The following CNTN5 variants were observed in gnomAD, a reference collection of about 807,000 sequenced individuals.
CNTN5 encodes contactin-5.
Under a neutral mutation model 129.1 loss-of-function variants are expected in CNTN5, and 77 were observed. That is an observed-to-expected ratio of 0.60 (90% CI 0.50 to 0.72). CNTN5 has a LOEUF of 0.72. Ranked by LOEUF, CNTN5 falls within the 30% of genes least tolerant of loss-of-function variation. The pLI is 0.00. For missense variants in CNTN5, 1,478 were observed against 1,328.8 expected (o/e 1.11, Z -1.75); for synonymous variants, 509 against 465.6 (o/e 1.09, Z -1.20).
chr11:99,883,364 C>T (rs1054930663), intron 6 of CNTN5, among the ~76,000 whole-genome samples: 1 of 152,196 alleles, frequency 6.6e-6, no homozygotes, highest in African/African-American at 2.4e-5. Flanking sequence ...TTCTCCCTAT[C>T]CTTGCCGGCA....
At chr11:100,100,548 C>G (rs188827108) in intron 13 of CNTN5, among the ~76,000 whole-genome samples, 1 of 152,180 alleles carries the variant, frequency 6.6e-6, no homozygotes, top group East Asian at 1.9e-4. Context: ...CTCTTTGAAG[C>G]TGGCATCTGT....
Position 99,630,529 on chromosome 11 carries a change from C to A in CNTN5, c.55+74260C>A, listed in dbSNP as rs887290455. 5.3e-5 allele frequency among the ~76,000 whole-genome samples: 8 copies of A among 151,678 alleles called. No individual in the cohort carries two copies. The East Asian group carries it at 1.4e-3, about 26-fold the overall frequency. On this transcript the variant is annotated intron_variant, in intron 3 of 24. Transcript: ENST00000524871. ...CCCCATAGCAACTATCATGCCTCAC[C>A]CCCCGTTTCACACAGTCCAGGCACA...
At chr11:100,199,551 G>A (rs1395397291) in intron 15 of CNTN5, among the ~76,000 whole-genome samples, 7 of 151,790 alleles carry the variant, frequency 4.6e-5, no homozygotes, top group Non-Finnish European at 7.4e-5. Flanking sequence ...GGACCCTCAC[G>A]AAGAAAGATT....
intron 16 of CNTN5, among the ~76,000 whole-genome samples, chr11:100,248,566 CA>C (rs1351864908): frequency 5.3e-5 from 8 of 151,730 alleles, no homozygotes; most frequent in African/African-American, 1.9e-4. Context: ...AAAAGAAAAA[CA>C]AAAAAGCAGG....
At chr11:100,130,756 G>A (rs939933455) in intron 13 of CNTN5, among the ~76,000 whole-genome samples, 2 of 152,090 alleles carry the variant, frequency 1.3e-5, no homozygotes, top group African/African-American at 4.8e-5. Context: ...AGCCTGGAAG[G>A]GCTGAGGAAA....
At chr11:100,217,258 T>C (rs537273897) in intron 15 of CNTN5, among the ~76,000 whole-genome samples, 3 of 152,294 alleles carry the variant, frequency 2.0e-5, no homozygotes, top group South Asian at 2.1e-4. Context: ...TATGCCAGCT[T>C]CTTTTAACAC....
At chr11:99,296,253 G>T (rs191733125) in intron 1 of CNTN5, among the ~76,000 whole-genome samples, 290 of 152,260 alleles carry the variant, frequency 1.9e-3, no homozygotes, top group South Asian at 7.0e-3. Flanking sequence ...TGGGTGTACA[G>T]TTCCAGGAGT....
At chr11:99,901,981 G>T (rs1949369672) in intron 6 of CNTN5, among the ~76,000 whole-genome samples, 1 of 152,074 alleles carries the variant, frequency 6.6e-6, no homozygotes, top group South Asian at 2.1e-4. Context: ...AGGAAATTGA[G>T]GTTTATCTAA....
At chr11:99,028,970 G>A (rs1863231777) in intron 1 of CNTN5, among the ~76,000 whole-genome samples, 1 of 151,670 alleles carries the variant, frequency 6.6e-6, no homozygotes, top group South Asian at 2.1e-4. Flanking sequence ...GGAGTCATAT[G>A]GATTAAAGGA....
chr11:99,306,169 A>G (rs1864866422), intron 1 of CNTN5, among the ~76,000 whole-genome samples: 1 of 152,158 alleles, frequency 6.6e-6, no homozygotes, highest in Non-Finnish European at 1.5e-5. Flanking sequence ...GGACTTTAAG[A>G]TAAGCAAAAT....
intron 3 of CNTN5, among the ~76,000 whole-genome samples, chr11:99,616,601 A>G (rs1273442151): frequency 1.5e-5 from 2 of 131,848 alleles, no homozygotes; most frequent in Admixed American, 7.0e-5. Flanking sequence ...AGGCTATTAT[A>G]TAGCAGTTTA....
At chr11:100,042,971 T>G (rs1942463204) in intron 9 of CNTN5, among the ~76,000 whole-genome samples, 1 of 152,212 alleles carries the variant, frequency 6.6e-6, no homozygotes, top group Non-Finnish European at 1.5e-5. Flanking sequence ...GTGCTCTTCC[T>G]TTCCATCAAA....
chr11:99,819,461 G>C, intron 3 of CNTN5, 83 bp from the exon 4 acceptor site: 1 of 1,221,128 alleles, frequency 8.2e-7, no homozygotes, highest in Non-Finnish European at 1.2e-6. Context: ...TTTTAGTAAT[G>C]TCTTCAAAGA....
In CNTN5 at chr11:100,149,264, C is replaced by T. The variant is rs183697354; in HGVS notation, c.1581-41862C>T. Among the ~76,000 whole-genome samples, 252 of 152,188 alleles carry T rather than the reference C, an allele frequency of 1.7e-3. 2 individuals are homozygous for T. Among genetic ancestry groups the T allele is most frequent in the Middle Eastern group, 3.4e-3 (1 of 292 alleles). ...AAAAGTGAAGCAATTGCTGTTAATG[C>T]GTTGCCTTCATTAACAGCATCAGAC... is the stretch of plus-strand genomic sequence containing the variant. On this transcript the variant is annotated intron_variant, in intron 13 of 24. Coordinates refer to ENST00000524871, the MANE Select transcript of CNTN5 (RefSeq NM_014361.4).
intron 1 of CNTN5, among the ~76,000 whole-genome samples, chr11:99,186,876 T>A (rs1332461115): frequency 6.6e-6 from 1 of 151,964 alleles, no homozygotes; most frequent in African/African-American, 2.4e-5. Context: ...CCCTTGTTGA[T>A]CTTCCTTGAG....
chr11:100,337,575 G>T, intron 21 of CNTN5: 5 of 740,786 alleles, frequency 6.7e-6, no homozygotes, highest in Non-Finnish European at 1.3e-5. Flanking sequence ...TGAGGGGCAC[G>T]TCTATTCTAC....
At chr11:99,730,275 C>G (rs936876856) in intron 3 of CNTN5, among the ~76,000 whole-genome samples, 8 of 152,108 alleles carry the variant, frequency 5.3e-5, no homozygotes, top group East Asian at 1.9e-4. Context: ...GCTGGATTCT[C>G]TAGAAGAAAG....
At chr11:99,428,948 AT>A (rs1352095152) in intron 2 of CNTN5, among the ~76,000 whole-genome samples, 1 of 152,116 alleles carries the variant, frequency 6.6e-6, no homozygotes, top group Non-Finnish European at 1.5e-5. Context: ...AAAATGCCTT[AT>A]TTATAAAAAA....
chr11:99,292,333 G>A (rs1864204793), intron 1 of CNTN5, among the ~76,000 whole-genome samples: 1 of 151,656 alleles, frequency 6.6e-6, no homozygotes, highest in Admixed American at 6.6e-5. Flanking sequence ...AAATATGGTA[G>A]GTCAAAGTAA....
Sources: gnomAD v4.1 joint callset for allele counts (sites outside exome capture counted in the v4.1 genomes callset) on GRCh38, gnomAD v4.1.1 for gene constraint, MANE v1.5 for transcripts, NCBI Gene and HGNC (gene_info 2026-07-23, HGNC 2026-07-21) for gene names.